ZNF670: variants seen among roughly 807,000 people sequenced by gnomAD.
ZNF670 encodes the protein zinc finger protein 670.
ZNF670 carries 7 observed loss-of-function variants against 10.9 expected under a neutral mutation model. The ratio of observed to expected loss-of-function variants is 0.64; its 90% CI spans 0.36 to 1.20. The LOEUF (loss-of-function observed/expected upper bound fraction) is 1.20, where lower values mean the gene tolerates loss of function less well. ZNF670 is among the 50% of genes most tolerant of loss of function. ZNF670 has a pLI of 0.02. For synonymous variants in ZNF670, 136 were observed against 152.7 expected, an observed-to-expected ratio of 0.89 and a Z score of 0.81; for missense variants, 446 against 458.6, an observed-to-expected ratio of 0.97 and a Z score of 0.25.
intron 1 of ZNF670, among the ~76,000 whole-genome samples, chr1:247,070,762 A>G (rs1489514427): frequency 6.6e-6 from 1 of 152,226 alleles, no homozygotes; most frequent in Non-Finnish European, 1.5e-5. Flanking sequence ...TCCAGGATCT[A>G]TAAGAAACTT....
At chr1:247,078,548 G>C (rs41305955) in intron 1 of ZNF670, 46 bp downstream of exon 1, 394,335 of 1,611,464 alleles carry the variant, frequency 0.24, 52,289 homozygotes, top group African/African-American at 0.53. Flanking sequence ...CCGCTTCCTG[G>C]CGGTTCCCTT....
intron 1 of ZNF670, among the ~76,000 whole-genome samples, chr1:247,054,549 C>G (rs1009266461): frequency 2.6e-5 from 4 of 152,238 alleles, no homozygotes; most frequent in African/African-American, 9.6e-5. Flanking sequence ...TAGGCCTATG[C>G]TGGACCAGAA....
chr1:247,053,170 G>A (rs1670636582), intron 1 of ZNF670, among the ~76,000 whole-genome samples: 1 of 152,182 alleles, frequency 6.6e-6, no homozygotes, highest in Non-Finnish European at 1.5e-5. Context: ...GGAAGCCAGT[G>A]AGAAGGGCTG....
At chr1:247,067,435 C>CCAAA (rs1487488030) in intron 1 of ZNF670, among the ~76,000 whole-genome samples, 137 of 77,230 alleles carry the variant, frequency 1.8e-3, no homozygotes, top group African/African-American at 5.1e-3. Flanking sequence ...GATCCCGTCT[C>CCAAA]AAAAAAAAAA....
chr1:247,055,908 G>C (rs2103062580), intron 1 of ZNF670, among the ~76,000 whole-genome samples: 1 of 152,042 alleles, frequency 6.6e-6, no homozygotes, highest in African/African-American at 2.4e-5. Flanking sequence ...TATAAAAAGA[G>C]ACAAAGAAGT....
intron 1 of ZNF670, among the ~76,000 whole-genome samples, chr1:247,045,088 G>C (rs377500332): frequency 6.6e-6 from 1 of 152,032 alleles, no homozygotes; most frequent in African/African-American, 2.4e-5. Flanking sequence ...AGACAGAGAG[G>C]CACATCCAGA....
At chr1:247,053,617 C>A (rs1397861191) in intron 1 of ZNF670, among the ~76,000 whole-genome samples, 1 of 152,182 alleles carries the variant, frequency 6.6e-6, no homozygotes, top group Non-Finnish European at 1.5e-5. Flanking sequence ...GCCTGGGCAA[C>A]ACAGCGAGAC....
At chr1:247,063,462 A>G (rs1360924376) in intron 1 of ZNF670, among the ~76,000 whole-genome samples, 1 of 151,346 alleles carries the variant, frequency 6.6e-6, no homozygotes, top group Non-Finnish European at 1.5e-5. Context: ...GGGCGCCTGT[A>G]GTCCCAGCTA....
chr1:247,044,345 A>G (rs1572557925), intron 1 of ZNF670, among the ~76,000 whole-genome samples: 1 of 152,226 alleles, frequency 6.6e-6, no homozygotes, highest in East Asian at 1.9e-4. Context: ...GAGCACTTAC[A>G]CACTGCTGGT....
chr1:247,073,608 G>C (rs1389361955), intron 1 of ZNF670, among the ~76,000 whole-genome samples: 1 of 152,148 alleles, frequency 6.6e-6, no homozygotes, highest in Non-Finnish European at 1.5e-5. Flanking sequence ...TCAGGTGAAG[G>C]CTCTGATCTG....
chr1:247,040,012 T>C (rs763486273), intron 1 of ZNF670, among the ~76,000 whole-genome samples: 1 of 152,224 alleles, frequency 6.6e-6, no homozygotes, highest in Non-Finnish European at 1.5e-5. Flanking sequence ...TCACAATATG[T>C]AAACAATCTT....
chr1:247,043,731 T>C, intron 1 of ZNF670: 1 of 429,690 alleles, frequency 2.3e-6, no homozygotes, highest in Non-Finnish European at 4.5e-6. Context: ...CGCAGAGCCC[T>C]TTTAGCGTTC....
At chr1:247,075,524 C>T (rs1442111117) in intron 1 of ZNF670, among the ~76,000 whole-genome samples, 6 of 152,254 alleles carry the variant, frequency 3.9e-5, no homozygotes, top group Admixed American at 6.5e-5. Context: ...GTGGCAGGAA[C>T]GTGGTGGGAG....
chr1:247,073,282 C>T (rs1407603104), intron 1 of ZNF670, among the ~76,000 whole-genome samples: 1 of 152,086 alleles, frequency 6.6e-6, no homozygotes, highest in African/African-American at 2.4e-5. Flanking sequence ...GAATGATAAC[C>T]CAGCAAGATT....
intron 1 of ZNF670, among the ~76,000 whole-genome samples, chr1:247,045,801 A>C (rs1175183257): frequency 6.6e-6 from 1 of 152,122 alleles, no homozygotes; most frequent in Non-Finnish European, 1.5e-5. Context: ...GATGAGGAAA[A>C]TTAGAACTTT....
rs1446520250 is a variant in ZNF670, at chr1:247,038,072, C to G, written c.547G>C (p.Val183Leu). ...TAAGTGCTCTGAGGCATTTGAAATA[C>G]ACTAGGAAAATCAAAAGGCTTCTCA... ...VYEKPFDFPSVFQMPQSTYTG... is the reference protein window; with the variant it reads ...VYEKPFDFPSLFQMPQSTYTG... The change falls in exon 4 of 4, where the codon GTA (valine) becomes CTA (leucine). Residue 183 changes from valine (V) to leucine (L), a missense_variant. Val to Leu is a conservative substitution (Grantham distance 32). Transcript: ENST00000366503. 6.2e-7 allele frequency: 1 copy of G among 1,614,134 alleles called. No individual in the cohort carries two copies. The highest frequency in any genetic ancestry group is 8.5e-7 in the Non-Finnish European group (1 of 1,180,008).
intron 1 of ZNF670, among the ~76,000 whole-genome samples, chr1:247,067,565 G>A (rs557889938): frequency 2.9e-4 from 44 of 149,300 alleles, no homozygotes; most frequent in Non-Finnish European, 4.5e-4. Context: ...AGCACAGGCC[G>A]GGCGCGGTGG....
intron 1 of ZNF670, among the ~76,000 whole-genome samples, chr1:247,062,763 T>C (rs1264134682): frequency 1.3e-5 from 2 of 152,218 alleles, no homozygotes; most frequent in Admixed American, 6.5e-5. Flanking sequence ...GTTAGCATTT[T>C]AGATGAAGGG....
In ZNF670 at chr1:247,047,501, T is replaced by C. The variant is rs1055313334; in HGVS notation, c.4-7964A>G. ...CAGCAAACTTCTGCCTAGACGTCCA[T>C]GTATTTCCATACATCCTCTGAAATT... On this transcript the variant is annotated intron_variant, in intron 1 of 3. Transcript: ENST00000366503. Among the ~76,000 whole-genome samples, 4 of 150,764 alleles carry C rather than the reference T, an allele frequency of 2.7e-5. No homozygotes were observed. The East Asian group carries it at 7.8e-4, about 29-fold the overall frequency.
Sources: allele counts gnomAD v4.1 joint callset (sites outside exome capture counted in the v4.1 genomes callset), GRCh38; gene constraint gnomAD v4.1.1; transcripts MANE v1.5; gene names NCBI Gene and HGNC (gene_info 2026-07-23, HGNC 2026-07-21).